The following MMP26 variants were observed in gnomAD, a reference collection of about 807,000 sequenced individuals.
MMP26 encodes the protein matrix metalloproteinase-26.
In MMP26, 33 loss-of-function variants were observed where a neutral mutation model predicts 31.0. The ratio of observed to expected loss-of-function variants is 1.06; its 90% CI spans 0.81 to 1.42. MMP26 has a LOEUF of 1.42. MMP26 is among the 40% of genes most tolerant of loss of function. The pLI is 0.00. For synonymous variants in MMP26, 122 were observed against 114.9 expected (o/e 1.06, Z -0.40); for missense variants, 347 against 316.1 (o/e 1.10, Z -0.74).
chr11:4,960,912 T>A (rs1414566570), intron 2 of MMP26, among the ~76,000 whole-genome samples: 1 of 152,162 alleles, frequency 6.6e-6, no homozygotes, highest in East Asian at 1.9e-4. Context: ...TAATAGTTAC[T>A]GAGCAAACAA....
In MMP26 at chr11:4,991,949, T is replaced by C; in HGVS notation, c.596-15T>C. On this transcript the variant is annotated splice_polypyrimidine_tract_variant and intron_variant, in intron 6 of 7. Transcript: ENST00000380390. The stretch of plus-strand genomic sequence containing the variant: ...CATAGTTAATTTTATCTTTTTTTTT[T>C]CTATAATTTTTCAGGATATAATCTG... 1 of 1,569,218 alleles carries C rather than the reference T, an allele frequency of 6.4e-7. No homozygotes were observed. The highest frequency in any genetic ancestry group is 8.6e-7 in the Non-Finnish European group (1 of 1,164,696).
intron 2 of MMP26, among the ~76,000 whole-genome samples, chr11:4,922,477 G>T (rs1851199929): frequency 6.6e-6 from 1 of 152,024 alleles, no homozygotes. Context: ...GGCCAACTAG[G>T]ATATATGTAC....
intron 2 of MMP26, chr11:4,943,850 T>C (rs1200402512): frequency 2.2e-6 from 1 of 450,538 alleles, no homozygotes; most frequent in Admixed American, 2.4e-5. Flanking sequence ...TTTCATTTTA[T>C]TAAGACTGTC....
chr11:4,735,119 C>T (rs1164027997), intron 1 of MMP26, among the ~76,000 whole-genome samples: 1 of 152,192 alleles, frequency 6.6e-6, no homozygotes, highest in Non-Finnish European at 1.5e-5. Flanking sequence ...GCTACGCCTA[C>T]TTGGAGTGGA....
intron 2 of MMP26, among the ~76,000 whole-genome samples, chr11:4,837,174 A>G (rs1326565688): frequency 6.6e-6 from 1 of 151,992 alleles, no homozygotes; most frequent in Non-Finnish European, 1.5e-5. Flanking sequence ...CATTATTTTT[A>G]ATGGCAAAAA....
intron 2 of MMP26, chr11:4,943,542 G>C (rs1846248191): frequency 2.2e-6 from 1 of 453,620 alleles, no homozygotes; most frequent in Non-Finnish European, 4.4e-6. Flanking sequence ...TTTTGGGTAA[G>C]GGCTATCCTG....
intron 2 of MMP26, chr11:4,821,410 C>T: frequency 6.2e-7 from 1 of 1,613,740 alleles, no homozygotes; most frequent in Non-Finnish European, 8.5e-7. Flanking sequence ...CCTGTCTTCT[C>T]AGTGCTTCCC....
intron 2 of MMP26, among the ~76,000 whole-genome samples, chr11:4,975,994 C>T (rs906990018): frequency 3.3e-5 from 5 of 151,960 alleles, no homozygotes; most frequent in African/African-American, 1.2e-4. Context: ...ACTTCGTAAT[C>T]AGTGAGGAAA....
chr11:4,925,045 T>C (rs1851249573), intron 2 of MMP26, among the ~76,000 whole-genome samples: 1 of 152,218 alleles, frequency 6.6e-6, no homozygotes, highest in South Asian at 2.1e-4. Flanking sequence ...AAGATAACAT[T>C]TATTAAATGC....
At position 4,990,656 on chromosome 11, in the gene MMP26, G is replaced by A; in HGVS notation, c.379G>A (p.Ala127Thr). ...PSAVKDSIYN[A>T]VSIWSNVTPL... ...CGCAGTGAAAGACAGTATATATAAT[G>A]CAGTTTCCATCTGGAGCAATGTGAC... Residue 127 changes from alanine (A) to threonine (T), a missense_variant, in exon 5 of 8, where the codon GCA (alanine) becomes ACA (threonine). Transcript: ENST00000380390. 1 of 1,614,106 alleles carries A rather than the reference G, an allele frequency of 6.2e-7. No homozygotes were observed.
intron 2 of MMP26, among the ~76,000 whole-genome samples, chr11:4,838,711 A>G (rs1210977005): frequency 1.6e-5 from 2 of 122,126 alleles, no homozygotes; most frequent in Admixed American, 8.3e-5. Flanking sequence ...GCAGAAAGGC[A>G]TATAGAAAGT....
intron 1 of MMP26, among the ~76,000 whole-genome samples, chr11:4,739,163 C>A (rs1440206695): frequency 2.0e-5 from 3 of 152,194 alleles, no homozygotes; most frequent in African/African-American, 7.2e-5. Flanking sequence ...TAAGACACTT[C>A]CCTTTCTAGC....
intron 2 of MMP26, among the ~76,000 whole-genome samples, chr11:4,809,173 A>C (rs1196099903): frequency 6.6e-6 from 1 of 152,098 alleles, no homozygotes; most frequent in Admixed American, 6.6e-5. Context: ...ACTGCTTTTA[A>C]ATCTGTTCCC....
At chr11:4,739,966 C>T (rs1266994264) in intron 1 of MMP26, among the ~76,000 whole-genome samples, 1 of 151,974 alleles carries the variant, frequency 6.6e-6, no homozygotes, top group Non-Finnish European at 1.5e-5. Flanking sequence ...ATTTAATATC[C>T]TAAATATATG....
At chr11:4,866,758 A>T (rs902080141) in intron 2 of MMP26, among the ~76,000 whole-genome samples, 1 of 152,158 alleles carries the variant, frequency 6.6e-6, no homozygotes, top group Non-Finnish European at 1.5e-5. Flanking sequence ...GGGAAAGAAC[A>T]GAAAACCCAG....
intron 1 of MMP26, among the ~76,000 whole-genome samples, chr11:4,739,050 G>T (rs77017362): frequency 0.014 from 2,127 of 152,104 alleles, 48 homozygotes; most frequent in African/African-American, 0.049. Flanking sequence ...TATAACTGTT[G>T]AAGAAAATTA....
At chr11:4,854,358 C>T (rs1850018445) in intron 2 of MMP26, among the ~76,000 whole-genome samples, 1 of 152,190 alleles carries the variant, frequency 6.6e-6, no homozygotes, top group African/African-American at 2.4e-5. Flanking sequence ...CGGGACACTC[C>T]TACCCTAATA....
At chr11:4,939,028 G>T (rs749951268) in intron 2 of MMP26, among the ~76,000 whole-genome samples, 1 of 152,012 alleles carries the variant, frequency 6.6e-6, no homozygotes, top group Admixed American at 6.6e-5. Flanking sequence ...TTTCTTCCTT[G>T]AATTGAGTTG....
chr11:4,884,579 T>A (rs1850523468), intron 2 of MMP26, among the ~76,000 whole-genome samples: 1 of 152,070 alleles, frequency 6.6e-6, no homozygotes, highest in Admixed American at 6.6e-5. Context: ...GAAATTAACT[T>A]GTGGCAGAGC....
Sources: allele counts gnomAD v4.1 joint callset (sites outside exome capture counted in the v4.1 genomes callset), GRCh38; gene constraint gnomAD v4.1.1; transcripts MANE v1.5; gene names NCBI Gene and HGNC (gene_info 2026-07-23, HGNC 2026-07-21).